ATR: variants seen among roughly 807,000 people sequenced by gnomAD.
The protein encoded by ATR is serine/threonine-protein kinase ATR.
In ATR, 142 loss-of-function variants were observed where a neutral mutation model predicts 305.3. That is an observed-to-expected ratio of 0.47 (90% CI 0.41 to 0.53). The LOEUF (loss-of-function observed/expected upper bound fraction) is 0.53. ATR is among the 20% of genes least tolerant of loss of function. ATR has a pLI of 0.00. For synonymous variants in ATR, 1,050 were observed against 1,068.1 expected (o/e 0.98, Z 0.33); for missense variants, 2,135 against 3,133.1 (o/e 0.68, Z 7.60).
At chr3:142,467,362 C>T (rs1254900254) in intron 39 of ATR, among the ~76,000 whole-genome samples, 2 of 152,106 alleles carry the variant, frequency 1.3e-5, no homozygotes, top group South Asian at 2.1e-4. Context: ...GTACTTATTA[C>T]TCTAGATAAC....
intron 1 of ATR, 110 bp downstream of exon 1, chr3:142,578,536 G>T (rs1021192168): frequency 1.6e-6 from 2 of 1,258,174 alleles, no homozygotes; most frequent in Non-Finnish European, 2.2e-6. Flanking sequence ...GGGCCGCAGC[G>T]GGGGCTTAGG....
chr3:142,449,681 A>G, intron 46 of ATR, 79 bp from the exon 47 acceptor site: 1 of 1,397,574 alleles, frequency 7.2e-7, no homozygotes, highest in Non-Finnish European at 1.0e-6. Flanking sequence ...TTGACATTTA[A>G]TAAATGTTAA....
chr3:142,570,725 T>C (rs1343525092), intron 1 of ATR, among the ~76,000 whole-genome samples: 2 of 152,218 alleles, frequency 1.3e-5, no homozygotes, highest in Non-Finnish European at 2.9e-5. Flanking sequence ...ATAGTTTTAG[T>C]TCTTATGTTT....
intron 20 of ATR, 113 bp from the exon 21 acceptor site, chr3:142,535,318 TA>T: frequency 1.7e-6 from 2 of 1,211,132 alleles, no homozygotes; most frequent in Non-Finnish European, 2.3e-6. Flanking sequence ...ACCAATTTTT[TA>T]AAGTAATGAA....
intron 24 of ATR, among the ~76,000 whole-genome samples, chr3:142,517,675 G>A (rs2032926094): frequency 6.6e-6 from 1 of 152,126 alleles, no homozygotes; most frequent in South Asian, 2.1e-4. Flanking sequence ...AAAAGCTAAA[G>A]ACCAAAAGAA....
intron 31 of ATR, 136 bp from the exon 32 acceptor site, chr3:142,498,910 T>TCAC (rs1448030272): frequency 7.1e-6 from 6 of 846,230 alleles, no homozygotes; most frequent in Admixed American, 2.2e-5. Flanking sequence ...AGACAGAGTC[T>TCAC]CACTCTGTGG....
At position 142,568,094 on chromosome 3, in the gene ATR, G is replaced by A. The variant is rs202059524; in HGVS notation, c.120C>T (p.Phe40=). The A allele has an allele frequency of 6.2e-6, 10 of 1,612,004 alleles. No homozygotes were observed. The highest frequency in any genetic ancestry group is 8.5e-6 in the Non-Finnish European group (10 of 1,178,612). ...VQKPRQILCQ[F]IDRILTDVNV... ...TTACATCTGTAAGTATCCGGTCAAT[G>A]AATTGACACAGAATTTGTCTTGGCT... The change falls in exon 2 of 47, where the codon TTC becomes TTT. Residue 40 remains phenylalanine (F), a synonymous_variant. Coordinates refer to ENST00000350721, the MANE Select transcript of ATR (RefSeq NM_001184.4).
In ATR at chr3:142,452,699, A is replaced by AC. The variant is rs2070818697; in HGVS notation, c.7761+428dup. ...AAAAACAACAACCACCACCACCACC[A>AC]CAACAACAACAACAAAACTATCTGC... On this transcript the variant is annotated intron_variant, in intron 46 of 46. Coordinates refer to ENST00000350721, the MANE Select transcript of ATR (RefSeq NM_001184.4). 3.9e-6 allele frequency: 4 copies of AC among 1,030,120 alleles called. No homozygotes were observed. The African/African-American group carries it at 5.7e-5, about 15-fold the overall frequency. 63.8% of individuals were successfully genotyped at this position (1,030,120 alleles called of 1,614,324 possible). A position where few individuals can be genotyped will look rare whatever the true frequency, so the allele number is the denominator to read the frequency against.
chr3:142,466,519 A>C lies in ATR; in HGVS notation c.6702T>G (p.Ser2234Arg), dbSNP rs1189529107. 6.2e-7 allele frequency: 1 copy of C among 1,613,506 alleles called. No homozygotes were observed. Reference sequence around the variant, plus strand: ...AATGAGTGCTCATGCTTAATGTGGAACTACTTCCATCAACCTGAAAAAATA... The same window carrying C: ...AATGAGTGCTCATGCTTAATGTGGACCTACTTCCATCAACCTGAAAAAATA... ...ELCNKPVDGS[S>R]STLSMSTHFK... Residue 2234 changes from serine to arginine, a missense_variant, in exon 40 of 47, where the codon AGT becomes AGG. Physicochemically the swap from Ser to Arg is moderately radical, Grantham distance 110. Coordinates refer to ENST00000350721, the MANE Select transcript of ATR (RefSeq NM_001184.4).
At position 142,467,926 on chromosome 3, in the gene ATR, G is replaced by T; in HGVS notation, c.6687+8C>A. 1 of 1,612,218 alleles carries T rather than the reference G, an allele frequency of 6.2e-7. No individual in the cohort carries two copies. The highest frequency in any genetic ancestry group is 8.5e-7 in the Non-Finnish European group (1 of 1,179,166). On this transcript the variant is annotated splice_region_variant and intron_variant, in intron 39 of 46. Coordinates refer to ENST00000350721, the MANE Select transcript of ATR (RefSeq NM_001184.4). ...ATCAGTTTATAAGCACTAAGATTAT[G>T]ATAGTACCGGTTTATTGCACAATTC...
At position 142,478,662 on chromosome 3, in the gene ATR, G is replaced by A. The variant is rs367815820; in HGVS notation, c.6221+6478C>T. ...GATATTCTTGTTAACCTTCTGTCTC[G>A]TTGATCTGTCTAATGTTGACAGTGG... is the stretch of plus-strand genomic sequence containing the variant. On this transcript the variant is annotated intron_variant, in intron 36 of 46. Coordinates refer to ENST00000350721, the MANE Select transcript of ATR (RefSeq NM_001184.4). 6.6e-5 allele frequency among the ~76,000 whole-genome samples: 10 copies of A among 152,210 alleles called. No individual in the cohort carries two copies. The South Asian group carries it at 8.3e-4, about 13-fold the overall frequency.
chr3:142,496,927 A>G, intron 33 of ATR, 86 bp downstream of exon 33: 1 of 1,443,522 alleles, frequency 6.9e-7, no homozygotes, highest in Non-Finnish European at 9.5e-7. Context: ...TCAGACAGAA[A>G]ATTAAGAAAT....
In ATR at chr3:142,560,337, C is replaced by T. The variant is rs772626702; in HGVS notation, c.1467G>A (p.Met489Ile). ...YSGLKNPVIE[M>I]LEGIAVVLQL... The stretch of plus-strand genomic sequence containing the variant: ...GTAAGACAACAGCAATTCCTTCTAA[C>T]ATCTCAATAACAGGATTCTTTAGGC... Residue 489 changes from methionine (M) to isoleucine (I), a missense_variant, in exon 6 of 47, where the codon ATG becomes ATA. Coordinates refer to ENST00000350721, the MANE Select transcript of ATR (RefSeq NM_001184.4). 2 of 1,613,906 alleles carry T rather than the reference C, an allele frequency of 1.2e-6. No homozygotes were observed. Among genetic ancestry groups the T allele is most frequent in the African/African-American group, 1.3e-5 (1 of 75,010 alleles).
In ATR at chr3:142,561,262, C is replaced by T; in HGVS notation, c.1330G>A (p.Ala444Thr). The change falls in exon 5 of 47, where the codon GCA (alanine) becomes ACA (threonine). Residue 444 changes from alanine to threonine, a missense_variant. Ala to Thr is a moderately conservative substitution (Grantham distance 58). Transcript: ENST00000350721. ...LSSSLNPSKR[A>T]PKQTEEIKHV... Reference sequence around the variant, plus strand: ...TCATACTCCTCAGTCTGTTTTGGTGCTCTTTTAGAAGGGTTTAGAGACGAG... The same window carrying T: ...TCATACTCCTCAGTCTGTTTTGGTGTTCTTTTAGAAGGGTTTAGAGACGAG... 6.2e-7 allele frequency: 1 copy of T among 1,613,888 alleles called. No individual in the cohort carries two copies. Among genetic ancestry groups the T allele is most frequent in the Non-Finnish European group, 8.5e-7 (1 of 1,179,888 alleles).
chr3:142,563,844 AG>A (rs1262784143), intron 3 of ATR, among the ~76,000 whole-genome samples: 1 of 152,236 alleles, frequency 6.6e-6, no homozygotes, highest in East Asian at 1.9e-4. Context: ...GGAAATTAAA[AG>A]TACTACTCCA....
Position 142,512,374 on chromosome 3 carries a change from T to C in ATR, c.4738A>G (p.Thr1580Ala). 1 of 1,613,642 alleles carries C rather than the reference T, an allele frequency of 6.2e-7. No individual in the cohort carries two copies. Among genetic ancestry groups the C allele is most frequent in the Middle Eastern group, 1.7e-4 (1 of 6,060 alleles). Residue 1580 changes from threonine (T) to alanine (A), a missense_variant, in exon 27 of 47, where the codon ACT becomes GCT. Physicochemically the swap from Thr to Ala is moderately conservative, Grantham distance 58. Coordinates refer to ENST00000350721, the MANE Select transcript of ATR (RefSeq NM_001184.4). ...AGATGGTCAAGCATGGAGAACACAG[T>C]CTGTGTACTGAGTTGACACAGATCA... is the stretch of plus-strand genomic sequence containing the variant. ...ASDLCQLSTQTVFSMLDHLTQ... is the reference protein window; with the variant it reads ...ASDLCQLSTQAVFSMLDHLTQ...
intron 46 of ATR, chr3:142,451,187 T>C: frequency 8.4e-7 from 1 of 1,185,376 alleles, no homozygotes; most frequent in Non-Finnish European, 1.1e-6. Context: ...CTTCAACTTG[T>C]TGGGGATCGA....
intron 1 of ATR, 79 bp downstream of exon 1, chr3:142,578,567 C>A (rs2108512240): frequency 1.4e-6 from 2 of 1,476,132 alleles, no homozygotes; most frequent in South Asian, 1.2e-5. Context: ...CATAGCGCAG[C>A]AGGGGAGGGG....
At chr3:142,551,357 T>A (rs1285595299) in intron 13 of ATR, among the ~76,000 whole-genome samples, 1 of 152,166 alleles carries the variant, frequency 6.6e-6, no homozygotes, top group Non-Finnish European at 1.5e-5. Flanking sequence ...GCCCAGGAGT[T>A]AGAGGTTTCA....
Sources: allele counts gnomAD v4.1 joint callset (sites outside exome capture counted in the v4.1 genomes callset), GRCh38; gene constraint gnomAD v4.1.1; transcripts MANE v1.5; gene names NCBI Gene and HGNC (gene_info 2026-07-23, HGNC 2026-07-21).